The following MAPK6 variants were observed in gnomAD, a reference collection of about 807,000 sequenced individuals.
MAPK6 encodes the protein ERK-3.
Under a neutral mutation model 59.3 loss-of-function variants are expected in MAPK6, and 19 were observed. The observed-to-expected ratio is 0.32, with a 90% CI of 0.22 to 0.47. MAPK6 has a LOEUF of 0.47. Among genes scored for constraint, MAPK6 ranks in the 20% least tolerant of loss-of-function variants. The pLI is 1.00. For missense variants in MAPK6, 724 were observed against 847.9 expected (o/e 0.85, Z 1.81); for synonymous variants, 316 against 290.3 (o/e 1.09, Z -0.90).
rs1243728321 is a variant in MAPK6 at position 52,046,832 on chromosome 15, A to C, written c.372A>C (p.Leu124Phe). ...CTAATGTGCTGGAGCAGGGCCCTTTACTGGAAGAGCATGCCAGGCTTTTCA... is the reference window on the plus strand; with the variant it reads ...CTAATGTGCTGGAGCAGGGCCCTTTCCTGGAAGAGCATGCCAGGCTTTTCA... The part of the protein sequence containing the change: ...DLANVLEQGP[L>F]LEEHARLFMY... Residue 124 changes from leucine (L) to phenylalanine (F), a missense_variant, in exon 2 of 6, where the codon TTA (leucine) becomes TTC (phenylalanine). Physicochemically the swap from Leu to Phe is conservative, Grantham distance 22 (BLOSUM62 0). Transcript: ENST00000261845. The C allele has an allele frequency of 6.2e-7, 1 of 1,613,926 alleles. No homozygotes were observed.
chr15:51,988,730 CA>C (rs1008468819), intron 2 of MAPK6, among the ~76,000 whole-genome samples: 6 of 137,016 alleles, frequency 4.4e-5, no homozygotes, highest in Admixed American at 2.2e-4. Flanking sequence ...AGACTCTGGG[CA>C]AAAAAAAAAT....
chr15:52,038,048 A>T (rs898008873), intron 1 of MAPK6, among the ~76,000 whole-genome samples: 17 of 152,030 alleles, frequency 1.1e-4, no homozygotes, highest in African/African-American at 4.1e-4. Context: ...AGGGAGTGAA[A>T]ATGTTATTAG....
intron 2 of MAPK6, among the ~76,000 whole-genome samples, chr15:51,998,637 C>T (rs151233328): frequency 0.014 from 2,066 of 148,436 alleles, 62 homozygotes; most frequent in East Asian, 0.075. Context: ...TCTCCTGCCT[C>T]GGCCTCCCAA....
At chr15:51,986,883 C>T (rs938483353) in intron 2 of MAPK6, among the ~76,000 whole-genome samples, 1 of 152,136 alleles carries the variant, frequency 6.6e-6, no homozygotes, top group East Asian at 1.9e-4. Context: ...TGCCATTTCT[C>T]CCCTCAGTAC....
At chr15:52,023,019 A>G (rs2030597143) in intron 1 of MAPK6, among the ~76,000 whole-genome samples, 1 of 141,462 alleles carries the variant, frequency 7.1e-6, no homozygotes, top group African/African-American at 2.6e-5. Flanking sequence ...AGGCAGGAGA[A>G]TCGCTTGAAC....
chr15:52,031,782 A>G (rs1459021036), intron 1 of MAPK6, among the ~76,000 whole-genome samples: 3 of 152,174 alleles, frequency 2.0e-5, no homozygotes, highest in Admixed American at 6.5e-5. Flanking sequence ...GCAATGAGTC[A>G]TGTTCATGCC....
At chr15:51,992,305 ATTTT>A (rs61396800) in intron 2 of MAPK6, among the ~76,000 whole-genome samples, 2 of 101,422 alleles carry the variant, frequency 2.0e-5, no homozygotes, top group African/African-American at 3.7e-5. Context: ...ATATATATAT[ATTTT>A]TTTTTTTTTT....
chr15:52,016,805 G>A (rs948424688), upstream of MAPK6, among the ~76,000 whole-genome samples: 2 of 152,104 alleles, frequency 1.3e-5, no homozygotes, highest in African/African-American at 2.4e-5. Context: ...CAGCACTTTC[G>A]GAGGGCAAGG....
rs1566892176 is a variant in MAPK6, at chr15:51,976,108, TATAAA to T, written c.-880+4204_-880+4208del. 7.1e-3 allele frequency among the ~76,000 whole-genome samples: 1,072 copies of T among 151,076 alleles called. 12 individuals carry two copies. The highest frequency in any genetic ancestry group is 0.025 in the African/African-American group (1,026 of 41,332). ...GGTGAAACCCCATCTGTACTAAAAA[TATAAA>T]AAATTTGCCGGGCGTGGTGGCACAT... On this transcript the variant is annotated intron_variant, in intron 1 of 7. Coordinates refer to the MAPK6 transcript ENST00000691380.
chr15:52,044,270 A>C (rs193143408), intron 1 of MAPK6, among the ~76,000 whole-genome samples: 10 of 152,220 alleles, frequency 6.6e-5, no homozygotes, highest in Non-Finnish European at 1.5e-5. Flanking sequence ...TAAAGCTATT[A>C]TACTATTAGT....
intron 3 of MAPK6, among the ~76,000 whole-genome samples, chr15:52,054,298 G>T (rs943975634): frequency 4.0e-5 from 6 of 150,802 alleles, no homozygotes; most frequent in African/African-American, 1.5e-4. Flanking sequence ...AACCTGGGAG[G>T]TGGAGGTTGC....
intron 2 of MAPK6, among the ~76,000 whole-genome samples, chr15:51,995,883 A>C (rs1211996104): frequency 6.6e-6 from 1 of 152,112 alleles, no homozygotes; most frequent in Non-Finnish European, 1.5e-5. Flanking sequence ...AGCTGAGATC[A>C]CAGCACTACA....
intron 1 of MAPK6, among the ~76,000 whole-genome samples, chr15:52,038,320 C>T (rs2141890939): frequency 6.6e-6 from 1 of 152,258 alleles, no homozygotes; most frequent in African/African-American, 2.4e-5. Flanking sequence ...TTGGTTCATT[C>T]TGCTTCTGGG....
chr15:52,012,953 C>T (rs1372606092), intron 3 of MAPK6, among the ~76,000 whole-genome samples: 1 of 131,998 alleles, frequency 7.6e-6, no homozygotes, highest in South Asian at 2.5e-4. Context: ...TGCCACTATA[C>T]TCCAGCCTGG....
At chr15:52,015,020 G>A (rs2141836073), upstream of MAPK6, among the ~76,000 whole-genome samples, 1 of 152,264 alleles carries the variant, frequency 6.6e-6, no homozygotes, top group African/African-American at 2.4e-5. Flanking sequence ...GTTTTGTTGA[G>A]ATGGAGTTTC....
intron 3 of MAPK6, among the ~76,000 whole-genome samples, chr15:52,050,576 C>T (rs1490113253): frequency 6.6e-6 from 1 of 152,140 alleles, no homozygotes; most frequent in Non-Finnish European, 1.5e-5. Context: ...TGAGAGAGGA[C>T]TTTGTCAAGA....
At chr15:52,016,052 T>TCGCGCG (rs376275284), upstream of MAPK6, among the ~76,000 whole-genome samples, 456 of 68,614 alleles carry the variant, frequency 6.6e-3, 10 homozygotes, top group African/African-American at 0.022. Flanking sequence ...CCAAACTCCA[T>TCGCGCG]CGCGCGCGCG....
chr15:51,975,561 A>G (rs1356053385), intron 1 of MAPK6, among the ~76,000 whole-genome samples: 1 of 151,898 alleles, frequency 6.6e-6, no homozygotes, highest in African/African-American at 2.4e-5. Flanking sequence ...TATAAAATAT[A>G]TACTTACACC....
chr15:52,049,351 ATTTT>A (rs60965378), intron 2 of MAPK6, among the ~76,000 whole-genome samples: 1 of 109,722 alleles, frequency 9.1e-6, no homozygotes, highest in African/African-American at 3.5e-5. Context: ...GAGTTATATA[ATTTT>A]TTTTTTTTTT....
Sources: gnomAD v4.1 joint callset for allele counts (sites outside exome capture counted in the v4.1 genomes callset) on GRCh38, gnomAD v4.1.1 for gene constraint, MANE v1.5 for transcripts, NCBI Gene and HGNC (gene_info 2026-07-23, HGNC 2026-07-21) for gene names.